FSTL5: variants seen among roughly 807,000 people sequenced by gnomAD.
The protein encoded by FSTL5 is follistatin-related protein 5.
Under a neutral mutation model 89.1 loss-of-function variants are expected in FSTL5, and 62 were observed. The observed-to-expected ratio is 0.70, with a 90% CI of 0.57 to 0.86. FSTL5 has a LOEUF of 0.86. FSTL5 is among the 40% of genes least tolerant of loss of function. FSTL5 has a pLI of 0.00. For synonymous variants in FSTL5, 383 were observed against 346.2 expected, an observed-to-expected ratio of 1.11 and a Z score of -1.18; for missense variants, 1,057 against 1,001.6, an observed-to-expected ratio of 1.06 and a Z score of -0.75.
At chr4:161,472,925 A>G (rs1262877021) in intron 13 of FSTL5, among the ~76,000 whole-genome samples, 2 of 152,026 alleles carry the variant, frequency 1.3e-5, no homozygotes, top group African/African-American at 4.8e-5. Flanking sequence ...GGGTTTCACC[A>G]GGTTGGCCAG....
chr4:162,043,956 T>C (rs1053046727), intron 2 of FSTL5, among the ~76,000 whole-genome samples: 7 of 152,186 alleles, frequency 4.6e-5, no homozygotes, highest in Non-Finnish European at 8.8e-5. Flanking sequence ...CTGCAGTTAC[T>C]TCCTTCACTG....
At chr4:161,615,984 G>A (rs1217977868) in intron 7 of FSTL5, among the ~76,000 whole-genome samples, 1 of 151,482 alleles carries the variant, frequency 6.6e-6, no homozygotes, top group Non-Finnish European at 1.5e-5. Flanking sequence ...GATTCCACTT[G>A]CTACTCAGCA....
chr4:162,095,932 C>G (rs1008086260), intron 2 of FSTL5, among the ~76,000 whole-genome samples: 5 of 151,822 alleles, frequency 3.3e-5, no homozygotes, highest in African/African-American at 1.2e-4. Flanking sequence ...TGTGTGAAAT[C>G]TTTATCTACC....
chr4:162,127,428 G>A (rs1268405003), intron 1 of FSTL5, among the ~76,000 whole-genome samples: 1 of 152,154 alleles, frequency 6.6e-6, no homozygotes, highest in Non-Finnish European at 1.5e-5. Context: ...TATTAGACCT[G>A]CAAGGATGAA....
At chr4:161,606,377 A>G (rs1345293223) in intron 7 of FSTL5, among the ~76,000 whole-genome samples, 2 of 151,064 alleles carry the variant, frequency 1.3e-5, no homozygotes, top group East Asian at 3.9e-4. Context: ...CCTCCTGAGT[A>G]GCTGGGACTA....
chr4:161,531,449 C>T (rs982199251), intron 10 of FSTL5, among the ~76,000 whole-genome samples: 14 of 152,160 alleles, frequency 9.2e-5, no homozygotes, highest in African/African-American at 3.4e-4. Flanking sequence ...CCCAAAGTTA[C>T]AAATCTTTCC....
chr4:161,962,979 G>C (rs1483789106), intron 3 of FSTL5, among the ~76,000 whole-genome samples: 2 of 151,900 alleles, frequency 1.3e-5, no homozygotes, highest in Non-Finnish European at 2.9e-5. Flanking sequence ...ACAAGCTTTG[G>C]GGTCAGAACT....
intron 3 of FSTL5, among the ~76,000 whole-genome samples, chr4:161,975,901 G>T (rs1489871110): frequency 6.6e-6 from 1 of 150,976 alleles, no homozygotes; most frequent in Admixed American, 6.6e-5. Context: ...GGATCACGAG[G>T]CCAGGAGACC....
intron 4 of FSTL5, among the ~76,000 whole-genome samples, chr4:161,904,448 T>C (rs1003999903): frequency 3.3e-5 from 5 of 152,056 alleles, no homozygotes; most frequent in African/African-American, 1.2e-4. Context: ...AGAACTAATA[T>C]ATAAATTATC....
At chr4:161,991,532 G>C (rs1736111699) in intron 3 of FSTL5, among the ~76,000 whole-genome samples, 1 of 152,152 alleles carries the variant, frequency 6.6e-6, no homozygotes, top group Admixed American at 6.5e-5. Context: ...ATATTCTAGG[G>C]ACAGGGTGTA....
At chr4:161,861,430 G>T (rs1731913140) in intron 4 of FSTL5, among the ~76,000 whole-genome samples, 1 of 150,774 alleles carries the variant, frequency 6.6e-6, no homozygotes. Flanking sequence ...GAAAGAAAGA[G>T]AGAGAGAGAG....
At chr4:161,547,622 TAG>T (rs1452413534) in intron 8 of FSTL5, among the ~76,000 whole-genome samples, 4 of 151,948 alleles carry the variant, frequency 2.6e-5, no homozygotes, top group Non-Finnish European at 5.9e-5. Flanking sequence ...GAGTTAATTA[TAG>T]ACATTCAAAA....
At chr4:161,607,928 G>A (rs1205851147) in intron 7 of FSTL5, among the ~76,000 whole-genome samples, 1 of 152,130 alleles carries the variant, frequency 6.6e-6, no homozygotes, top group Non-Finnish European at 1.5e-5. Flanking sequence ...GCTTCTTAAA[G>A]AAGTGTTGTT....
intron 4 of FSTL5, among the ~76,000 whole-genome samples, chr4:161,890,114 G>A (rs1055656967): frequency 8.5e-5 from 13 of 152,058 alleles, no homozygotes; most frequent in Non-Finnish European, 4.4e-5. Flanking sequence ...TTCTATCTGT[G>A]TCAGTGAATG....
At chr4:161,594,158 A>G (rs1326708332) in intron 7 of FSTL5, among the ~76,000 whole-genome samples, 1 of 152,164 alleles carries the variant, frequency 6.6e-6, no homozygotes, top group African/African-American at 2.4e-5. Context: ...ACATAAACAC[A>G]GGGCAAGAAC....
At chr4:161,626,493 G>A (rs1311209367) in intron 7 of FSTL5, among the ~76,000 whole-genome samples, 1 of 152,002 alleles carries the variant, frequency 6.6e-6, no homozygotes, top group Admixed American at 6.6e-5. Flanking sequence ...AATAAAAAAC[G>A]ATTCCTTTCA....
At chr4:161,547,352 A>G (rs1394347971) in intron 8 of FSTL5, among the ~76,000 whole-genome samples, 1 of 152,012 alleles carries the variant, frequency 6.6e-6, no homozygotes, top group African/African-American at 2.4e-5. Flanking sequence ...TTTTCCTATT[A>G]TCTCAAAGAG....
chr4:161,698,455 T>C (rs1738262519), intron 6 of FSTL5, among the ~76,000 whole-genome samples: 1 of 152,176 alleles, frequency 6.6e-6, no homozygotes, highest in African/African-American at 2.4e-5. Flanking sequence ...TACATAGACT[T>C]GTGACTATAG....
chr4:161,741,770 G>C (rs921581818), intron 6 of FSTL5, among the ~76,000 whole-genome samples: 2 of 147,528 alleles, frequency 1.4e-5, no homozygotes, highest in Non-Finnish European at 3.0e-5. Flanking sequence ...TCACTGCAAC[G>C]TTCGCCTCCC....
Sources: gnomAD v4.1 joint callset for allele counts (sites outside exome capture counted in the v4.1 genomes callset) on GRCh38, gnomAD v4.1.1 for gene constraint, MANE v1.5 for transcripts, NCBI Gene and HGNC (gene_info 2026-07-23, HGNC 2026-07-21) for gene names.